The following RALYL variants were observed in gnomAD, a reference collection of about 807,000 sequenced individuals.
The protein encoded by RALYL is RNA-binding Raly-like protein.
In RALYL, 29 loss-of-function variants were observed where a neutral mutation model predicts 35.1. The observed-to-expected ratio is 0.83, with a 90% CI of 0.61 to 1.13. The LOEUF (loss-of-function observed/expected upper bound fraction) is 1.13, where lower values mean the gene tolerates loss of function less well. Ranked by LOEUF, RALYL falls within the 50% of genes most tolerant of loss-of-function variation. The probability of loss-of-function intolerance (pLI) is 0.00; values close to 1 mark genes in which losing one functional copy is unlikely to be tolerated. For missense variants in RALYL, 359 were observed against 360.4 expected, an observed-to-expected ratio of 1.00 and a Z score of 0.03; for synonymous variants, 120 against 127.6, an observed-to-expected ratio of 0.94 and a Z score of 0.40.
chr8:84,354,301 C>A (rs1465276659), intron 1 of RALYL, among the ~76,000 whole-genome samples: 1 of 150,058 alleles, frequency 6.7e-6, no homozygotes, highest in African/African-American at 2.5e-5. Flanking sequence ...CTCTTTTTTT[C>A]CCTAAGGCCC....
chr8:84,622,240 A>G (rs1588583918), intron 2 of RALYL, among the ~76,000 whole-genome samples: 1 of 152,186 alleles, frequency 6.6e-6, no homozygotes, highest in African/African-American at 2.4e-5. Flanking sequence ...ATAACCTGGT[A>G]GAGAGTTAAG....
intron 2 of RALYL, among the ~76,000 whole-genome samples, chr8:84,609,085 A>C (rs1397871877): frequency 6.6e-6 from 1 of 152,058 alleles, no homozygotes; most frequent in Non-Finnish European, 1.5e-5. Flanking sequence ...ATTCTTCCTC[A>C]TATGTCTCAG....
chr8:84,211,518 T>C (rs1819482457), intron 1 of RALYL, among the ~76,000 whole-genome samples: 2 of 152,274 alleles, frequency 1.3e-5, no homozygotes, highest in South Asian at 4.1e-4. Flanking sequence ...ATATTTTTTA[T>C]CATTTGGTGA....
At chr8:84,264,514 T>C (rs1832920682) in intron 1 of RALYL, among the ~76,000 whole-genome samples, 1 of 151,526 alleles carries the variant, frequency 6.6e-6, no homozygotes, top group Admixed American at 6.6e-5. Context: ...TAGGCCTTTG[T>C]TGCATAAATA....
intron 2 of RALYL, among the ~76,000 whole-genome samples, chr8:84,573,639 A>G (rs901239968): frequency 4.6e-5 from 7 of 151,670 alleles, no homozygotes; most frequent in African/African-American, 1.7e-4. Flanking sequence ...TCTCTTTTTG[A>G]ACTCCAATCC....
intron 1 of RALYL, among the ~76,000 whole-genome samples, chr8:84,252,433 C>T (rs1002056502): frequency 8.5e-5 from 13 of 152,192 alleles, no homozygotes; most frequent in East Asian, 5.8e-4. Context: ...AACGCCTACA[C>T]GGTACAAGCT....
chr8:84,647,661 C>T (rs1827780431), intron 2 of RALYL, among the ~76,000 whole-genome samples: 1 of 151,970 alleles, frequency 6.6e-6, no homozygotes, highest in Non-Finnish European at 1.5e-5. Flanking sequence ...ATTTACCTTT[C>T]CCTTGAAGAG....
At chr8:84,683,915 A>G (rs78782435) in intron 2 of RALYL, among the ~76,000 whole-genome samples, 1,578 of 152,224 alleles carry the variant, frequency 0.01, 34 homozygotes, top group African/African-American at 0.035. Flanking sequence ...CGAACTCCCG[A>G]TCAGGAACTC....
intron 5 of RALYL, among the ~76,000 whole-genome samples, chr8:84,860,035 C>T (rs147917981): frequency 6.6e-6 from 1 of 152,152 alleles, no homozygotes; most frequent in African/African-American, 2.4e-5. Flanking sequence ...GCAAGTATGG[C>T]TCTTTCTCAG....
At chr8:84,825,477 C>G (rs750538031) in intron 4 of RALYL, among the ~76,000 whole-genome samples, 2 of 152,056 alleles carry the variant, frequency 1.3e-5, no homozygotes, top group African/African-American at 4.8e-5. Context: ...ACTATTCAAC[C>G]CAGCAATCCC....
At chr8:84,698,822 T>TCACGTGC (rs1839648151) in intron 2 of RALYL, among the ~76,000 whole-genome samples, 1 of 152,122 alleles carries the variant, frequency 6.6e-6, no homozygotes, top group South Asian at 2.1e-4. Flanking sequence ...TTCCTCTACT[T>TCACGTGC]CACGTGCCAC....
chr8:84,557,013 G>C (rs962247129), intron 2 of RALYL, among the ~76,000 whole-genome samples: 1 of 152,162 alleles, frequency 6.6e-6, no homozygotes, highest in African/African-American at 2.4e-5. Flanking sequence ...GCATTTAGGA[G>C]ATACAGCCGC....
In RALYL at chr8:84,648,118, G is replaced by GCA. The variant is rs144476780; in HGVS notation, c.256+118557_256+118558dup. Reference sequence around the variant, plus strand: ...TGCTTGAGCATGTGCGCACATGCGTGCACACACACACACACACGACATTGC... The same window carrying GCA: ...TGCTTGAGCATGTGCGCACATGCGTGCACACACACACACACACACGACATTGC... On this transcript the variant is annotated intron_variant, in intron 2 of 8. Coordinates refer to ENST00000521268, the MANE Select transcript of RALYL (RefSeq NM_173848.7). Among the ~76,000 whole-genome samples the GCA allele has an allele frequency of 5.3e-3, 801 of 150,768 alleles. 2 individuals carry two copies. Among genetic ancestry groups the GCA allele is most frequent in the Non-Finnish European group, 6.6e-3 (446 of 67,468 alleles).
chr8:84,595,766 T>G (rs1453153545), intron 2 of RALYL, among the ~76,000 whole-genome samples: 1 of 140,118 alleles, frequency 7.1e-6, no homozygotes, highest in East Asian at 2.0e-4. Context: ...ACCATAAGTT[T>G]TTTTTTTTTT....
At chr8:84,839,356 G>A (rs1268539952) in intron 4 of RALYL, among the ~76,000 whole-genome samples, 1 of 152,240 alleles carries the variant, frequency 6.6e-6, no homozygotes, top group African/African-American at 2.4e-5. Context: ...TACGCTCATG[G>A]AGCCTCGCTC....
At chr8:84,691,441 C>T (rs899170278) in intron 2 of RALYL, among the ~76,000 whole-genome samples, 1 of 152,036 alleles carries the variant, frequency 6.6e-6, no homozygotes, top group African/African-American at 2.4e-5. Context: ...GCACTTTAAT[C>T]ATAGTTTATT....
At position 84,612,643 on chromosome 8, in the gene RALYL, C is replaced by A. The variant is rs754819676; in HGVS notation, c.256+83066C>A. 3.1e-4 allele frequency among the ~76,000 whole-genome samples: 47 copies of A among 151,674 alleles called. 1 individual carries two copies. Among genetic ancestry groups the A allele is most frequent in the Non-Finnish European group, 5.0e-4 (34 of 67,948 alleles). ...CGATTCTTTTATGTGAGATATGTAA[C>A]TTTCTTTTCCTTTAATTACTACAAA... On this transcript the variant is annotated intron_variant, in intron 2 of 8. Transcript: ENST00000521268.
intron 7 of RALYL, among the ~76,000 whole-genome samples, chr8:84,886,845 T>A (rs1842981099): frequency 6.6e-6 from 1 of 152,212 alleles, no homozygotes; most frequent in African/African-American, 2.4e-5. Flanking sequence ...AACACTTTGA[T>A]TCACTATACC....
At chr8:84,782,548 G>A (rs1349674763) in intron 3 of RALYL, among the ~76,000 whole-genome samples, 2 of 152,218 alleles carry the variant, frequency 1.3e-5, no homozygotes, top group Non-Finnish European at 2.9e-5. Flanking sequence ...CTTGGAAACT[G>A]TAGCCTGTCA....
Sources: gnomAD v4.1 joint callset for allele counts (sites outside exome capture counted in the v4.1 genomes callset) on GRCh38, gnomAD v4.1.1 for gene constraint, MANE v1.5 for transcripts, NCBI Gene and HGNC (gene_info 2026-07-23, HGNC 2026-07-21) for gene names.